Variants in SSPN observed in about 807,000 individuals in gnomAD.
The protein encoded by SSPN is K-ras oncogene-associated protein.
In SSPN, 15 loss-of-function variants were observed where a neutral mutation model predicts 19.1. The ratio of observed to expected loss-of-function variants is 0.78; its 90% CI spans 0.52 to 1.21. The LOEUF is 1.21. Ranked by LOEUF, SSPN falls within the 50% of genes most tolerant of loss-of-function variation. The pLI, the probability that SSPN is intolerant of heterozygous loss-of-function variation, is 0.00. For missense variants in SSPN, 291 were observed against 314.0 expected, an observed-to-expected ratio of 0.93 and a Z score of 0.55; for synonymous variants, 147 against 140.3, an observed-to-expected ratio of 1.05 and a Z score of -0.34.
chr12:26,124,993 G>A, intron 1 of SSPN: 1 of 641,022 alleles, frequency 1.6e-6, no homozygotes, highest in Non-Finnish European at 2.8e-6. Flanking sequence ...CACTCGCGCC[G>A]GCCCCACTGC....
intron 1 of SSPN, among the ~76,000 whole-genome samples, chr12:26,130,883 A>G (rs1944393662): frequency 7.0e-6 from 1 of 143,288 alleles, no homozygotes; most frequent in Non-Finnish European, 1.5e-5. Flanking sequence ...CAACTGAGCA[A>G]GGTCTCTTAA....
intron 1 of SSPN, among the ~76,000 whole-genome samples, chr12:26,188,045 T>G (rs1944765119): frequency 6.6e-6 from 1 of 152,250 alleles, no homozygotes; most frequent in African/African-American, 2.4e-5. Flanking sequence ...CCAGGAAATG[T>G]TCTCCATGTT....
At chr12:26,141,863 A>G (rs1944462243) in intron 1 of SSPN, among the ~76,000 whole-genome samples, 1 of 152,218 alleles carries the variant, frequency 6.6e-6, no homozygotes, top group Non-Finnish European at 1.5e-5. Flanking sequence ...GGGAGAGAAG[A>G]TGAGTAAAGC....
At chr12:26,200,997 AG>A (rs1253450916) in intron 1 of SSPN, among the ~76,000 whole-genome samples, 2 of 104,060 alleles carry the variant, frequency 1.9e-5, no homozygotes, top group Admixed American at 1.1e-4. Flanking sequence ...TTCTGGCAAA[AG>A]AAGTTAATTT....
chr12:26,124,945 C>T (rs983107780), intron 1 of SSPN: 1 of 721,928 alleles, frequency 1.4e-6, no homozygotes, highest in Non-Finnish European at 2.5e-6. Flanking sequence ...GGTCCCCCCC[C>T]TCCACCGCGC....
At chr12:26,225,541 A>G (rs943211805) in intron 2 of SSPN, among the ~76,000 whole-genome samples, 1 of 152,210 alleles carries the variant, frequency 6.6e-6, no homozygotes, top group African/African-American at 2.4e-5. Flanking sequence ...ATGTTCTCCA[A>G]TAGTTATAAC....
intron 1 of SSPN, chr12:26,122,691 G>C: frequency 6.4e-7 from 1 of 1,562,144 alleles, no homozygotes; most frequent in Non-Finnish European, 8.6e-7. Context: ...CTTGGGCGCC[G>C]GCGAGTCCTC....
At chr12:26,193,879 TA>T (rs1393414913), upstream of SSPN, among the ~76,000 whole-genome samples, 1 of 152,240 alleles carries the variant, frequency 6.6e-6, no homozygotes, top group Non-Finnish European at 1.5e-5. Context: ...CCTAAGTTCA[TA>T]AAATAAGTAA....
intron 1 of SSPN, among the ~76,000 whole-genome samples, chr12:26,205,309 T>C (rs1944921907): frequency 6.6e-6 from 1 of 152,122 alleles, no homozygotes. Flanking sequence ...CTTTAAGATA[T>C]GTTATTATCA....
upstream of SSPN, among the ~76,000 whole-genome samples, chr12:26,191,779 G>A (rs148620659): frequency 0.015 from 2,339 of 152,016 alleles, 34 homozygotes; most frequent in African/African-American, 0.043. Flanking sequence ...GGCCAGCAAG[G>A]CATATGGGGG....
At chr12:26,174,467 C>A (rs898078190) in intron 1 of SSPN, among the ~76,000 whole-genome samples, 2 of 151,594 alleles carry the variant, frequency 1.3e-5, no homozygotes, top group African/African-American at 4.9e-5. Context: ...CCCCATCCTG[C>A]TACCCACGCT....
At chr12:26,134,634 A>G (rs1308184036) in intron 1 of SSPN, among the ~76,000 whole-genome samples, 1 of 152,252 alleles carries the variant, frequency 6.6e-6, no homozygotes, top group Non-Finnish European at 1.5e-5. Flanking sequence ...CACTTGAATG[A>G]CAAGTCATAA....
At chr12:26,197,502 G>A (rs1310122481) in intron 1 of SSPN, among the ~76,000 whole-genome samples, 2 of 152,088 alleles carry the variant, frequency 1.3e-5, no homozygotes, top group Non-Finnish European at 2.9e-5. Flanking sequence ...AAAGAATGAA[G>A]CTCTTTCATT....
chr12:26,126,900 T>C (rs1460816024), intron 1 of SSPN, among the ~76,000 whole-genome samples: 2 of 152,276 alleles, frequency 1.3e-5, no homozygotes, highest in African/African-American at 4.8e-5. Context: ...TTTAAAATGC[T>C]GACTTTATTT....
In SSPN at chr12:26,231,922, C is replaced by G; in HGVS notation, c.*846C>G. On this transcript the variant is annotated 3_prime_UTR_variant, in exon 3 of 3. Coordinates refer to ENST00000242729, the MANE Select transcript of SSPN (RefSeq NM_005086.5). ...ATTTAATGAGCTCTGACTGTACTTA[C>G]GCTGCACTGTCGGTGTTAAGAGAAA... The G allele has an allele frequency of 2.0e-6, 2 of 984,712 alleles. No individual in the cohort carries two copies. The highest frequency in any genetic ancestry group is 1.1e-4 in the East Asian group (1 of 8,816). The allele number at this position is 984,712 out of a possible 1,614,324, so 61.0% of individuals were successfully genotyped here.
chr12:26,199,195 G>C (rs1944856564), intron 1 of SSPN, among the ~76,000 whole-genome samples: 1 of 152,198 alleles, frequency 6.6e-6, no homozygotes, highest in Non-Finnish European at 1.5e-5. Context: ...TGGGTGACTT[G>C]ATGAATATTC....
chr12:26,195,758 C>T lies in SSPN; in HGVS notation c.86C>T (p.Pro29Leu). The T allele has an allele frequency of 1.3e-6, 2 of 1,493,448 alleles. No homozygotes were observed. Among genetic ancestry groups the T allele is most frequent in the Non-Finnish European group, 1.8e-6 (2 of 1,125,666 alleles). 92.5% of individuals were successfully genotyped at this position (1,493,448 alleles called of 1,614,324 possible). A position where few individuals can be genotyped will look rare whatever the true frequency, so the allele number is the denominator to read the frequency against. The change falls in exon 1 of 3, where the codon CCG becomes CTG. Residue 29 changes from proline (P) to leucine (L), a missense_variant. Pro to Leu is a moderately conservative substitution (Grantham distance 98). Around this residue, in one of 3 missense-constraint regions of SSPN, gnomAD observed 139 missense variants for 119.6 expected, o/e 1.16. Transcript: ENST00000242729. The part of the protein sequence containing the change: ...ADAAGPDDME[P>L]KKGTGAPKEC... ...GCCGCTGGGCCCGACGACATGGAGC[C>T]GAAGAAGGGCACGGGGGCCCCCAAG...
intron 1 of SSPN, chr12:26,135,101 G>A (rs1159855992): frequency 6.6e-6 from 1 of 152,236 alleles, no homozygotes; most frequent in Non-Finnish European, 1.5e-5. Flanking sequence ...CAGAGAGACT[G>A]TAAAAGCTGG....
At chr12:26,138,414 T>A (rs901733646) in intron 1 of SSPN, among the ~76,000 whole-genome samples, 1 of 152,174 alleles carries the variant, frequency 6.6e-6, no homozygotes, top group African/African-American at 2.4e-5. Flanking sequence ...GAGTTAACAA[T>A]AATAGAGTAT....
Sources: gnomAD v4.1 joint callset for allele counts (sites outside exome capture counted in the v4.1 genomes callset) on GRCh38, gnomAD v4.1.1 for gene constraint, gnomAD v4.1.1 regional missense constraint, MANE v1.5 for transcripts, NCBI Gene and HGNC (gene_info 2026-07-23, HGNC 2026-07-21) for gene names.